Variants in SNX18 observed in about 807,000 individuals in gnomAD.
SNX18 encodes the protein sorting nexin 18.
Under a neutral mutation model 48.7 loss-of-function variants are expected in SNX18, and 35 were observed. The ratio of observed to expected loss-of-function variants is 0.72; its 90% CI spans 0.55 to 0.95. The LOEUF is 0.95. Among genes scored for constraint, SNX18 ranks in the 40% least tolerant of loss-of-function variants. The pLI, the probability that SNX18 is intolerant of heterozygous loss-of-function variation, is 0.00. For synonymous variants in SNX18, 492 were observed against 384.7 expected (o/e 1.28, Z -3.26); for missense variants, 824 against 871.0 (o/e 0.95, Z 0.68).
At chr5:54,569,632 T>C in the SNX18 span, among the ~76,000 whole-genome samples, 1 of 152,140 alleles carries the variant, frequency 6.6e-6, no homozygotes, top group Non-Finnish European at 1.5e-5. Flanking sequence ...AATTCTGAGC[T>C]CACTGGGTTT....
In SNX18 at chr5:54,546,099, C is replaced by G. The variant is rs1762573817; in HGVS notation, c.*2667C>G. On this transcript the variant is annotated 3_prime_UTR_variant, in exon 2 of 2. Transcript: ENST00000381410. ...TGCACCCAGGATGAGGGAACGCATT[C>G]AAAAGTGAAATGTAAAGCCAGTGCA... 6.6e-6 allele frequency: 1 copy of G among 152,138 alleles called. No individual in the cohort carries two copies. Among genetic ancestry groups the G allele is most frequent in the Admixed American group, 6.5e-5 (1 of 15,272 alleles). The allele number at this position is 152,138 out of a possible 1,614,324, so 9.4% of individuals were successfully genotyped here. A position where few individuals can be genotyped will look rare whatever the true frequency, so the allele number is the denominator to read the frequency against.
chr5:54,575,300 G>C, the SNX18 span, among the ~76,000 whole-genome samples: 1 of 151,160 alleles, frequency 6.6e-6, no homozygotes, highest in African/African-American at 2.4e-5. Flanking sequence ...CCCAAAATAT[G>C]CCAGTTCAGA....
the SNX18 span, among the ~76,000 whole-genome samples, chr5:54,559,476 A>C: frequency 1.4e-3 from 210 of 152,324 alleles, no homozygotes; most frequent in African/African-American, 5.0e-3. Flanking sequence ...AATGGGGAAA[A>C]GACTCCCTAT....
chr5:54,633,850 A>G, the SNX18 span, among the ~76,000 whole-genome samples: 1 of 152,164 alleles, frequency 6.6e-6, no homozygotes, highest in Non-Finnish European at 1.5e-5. Flanking sequence ...CTGAGGCCCT[A>G]CCTTGTGCAA....
At chr5:54,600,385 G>A in the SNX18 span, among the ~76,000 whole-genome samples, 1 of 152,206 alleles carries the variant, frequency 6.6e-6, no homozygotes, top group Non-Finnish European at 1.5e-5. Context: ...TGGTGGGAAT[G>A]TAAATTAGTT....
Position 54,518,542 on chromosome 5 carries a change from C to T in SNX18, c.590C>T (p.Thr197Met), listed in dbSNP as rs374567519. The change falls in exon 1 of 2, where the codon ACG becomes ATG. Residue 197 changes from threonine to methionine, a missense_variant. Physicochemically the swap from Thr to Met is moderately conservative, Grantham distance 81. Transcript: ENST00000381410. ...GCAGCCGGCCGCTACCGCCTGTCCA[C>T]GCGCTCCGACCTGTCCCTGGGTTCC... is the stretch of plus-strand genomic sequence containing the variant. ...VGAAGRYRLS[T>M]RSDLSLGSRG... The T allele has an allele frequency of 3.2e-6, 5 of 1,582,770 alleles. No homozygotes were observed. Among genetic ancestry groups the T allele is most frequent in the South Asian group, 1.1e-5 (1 of 87,028 alleles).
chr5:54,580,447 T>C, the SNX18 span, among the ~76,000 whole-genome samples: 4 of 152,346 alleles, frequency 2.6e-5, no homozygotes, highest in East Asian at 5.8e-4. Context: ...TTCACTTTTA[T>C]TATTTTAAGG....
chr5:54,533,335 T>C (rs1288374764), intron 1 of SNX18, among the ~76,000 whole-genome samples: 1 of 152,234 alleles, frequency 6.6e-6, no homozygotes, highest in Non-Finnish European at 1.5e-5. Flanking sequence ...CCAGGGTTTA[T>C]TAATGTGGTC....
At chr5:54,523,403 A>G (rs1224838938) in intron 1 of SNX18, among the ~76,000 whole-genome samples, 2 of 152,182 alleles carry the variant, frequency 1.3e-5, no homozygotes, top group African/African-American at 4.8e-5. Flanking sequence ...ACCTCTTGCG[A>G]CTATTGCTAA....
the SNX18 span, among the ~76,000 whole-genome samples, chr5:54,634,887 T>C: frequency 8.6e-5 from 13 of 152,042 alleles, no homozygotes; most frequent in Non-Finnish European, 1.8e-4. Context: ...TCAGCATACT[T>C]GTTTCAGTGC....
At chr5:54,555,791 C>T in the SNX18 span, among the ~76,000 whole-genome samples, 1 of 148,388 alleles carries the variant, frequency 6.7e-6, no homozygotes, top group East Asian at 2.0e-4. Context: ...TGTACCACTG[C>T]ACTCCAACCT....
chr5:54,537,990 C>G (rs1478062422), intron 1 of SNX18, among the ~76,000 whole-genome samples: 1 of 152,186 alleles, frequency 6.6e-6, no homozygotes, highest in Non-Finnish European at 1.5e-5. Context: ...CTAGAAGTAG[C>G]AAGTCTATGA....
chr5:54,638,788 C>T, the SNX18 span, among the ~76,000 whole-genome samples: 4 of 152,104 alleles, frequency 2.6e-5, no homozygotes, highest in African/African-American at 4.8e-5. Context: ...TTGAGCCACC[C>T]GCTTGCCTAA....
chr5:54,554,702 A>C, the SNX18 span, among the ~76,000 whole-genome samples: 2 of 152,348 alleles, frequency 1.3e-5, no homozygotes, highest in Admixed American at 6.5e-5. Flanking sequence ...GTTAATTTTA[A>C]GTGATTATAA....
chr5:54,620,911 G>T, the SNX18 span, among the ~76,000 whole-genome samples: 1 of 152,098 alleles, frequency 6.6e-6, no homozygotes, highest in Admixed American at 6.5e-5. Flanking sequence ...TATTGGATTA[G>T]GGCCCCACTC....
At chr5:54,608,384 A>G in the SNX18 span, among the ~76,000 whole-genome samples, 1 of 151,702 alleles carries the variant, frequency 6.6e-6, no homozygotes, top group Admixed American at 6.6e-5. Flanking sequence ...TTTTTATTTT[A>G]TTGTATTATT....
At chr5:54,586,991 T>C in the SNX18 span, among the ~76,000 whole-genome samples, 1 of 151,610 alleles carries the variant, frequency 6.6e-6, no homozygotes, top group African/African-American at 2.4e-5. Context: ...TATTTCCTTT[T>C]TTTTTTTTTT....
At chr5:54,586,690 G>A in the SNX18 span, among the ~76,000 whole-genome samples, 6 of 152,252 alleles carry the variant, frequency 3.9e-5, no homozygotes, top group South Asian at 1.2e-3. Context: ...ACTTCTTAAA[G>A]GTCCTACCTC....
At chr5:54,546,802 C>T (rs542903741), downstream of SNX18, among the ~76,000 whole-genome samples, 4 of 152,300 alleles carry the variant, frequency 2.6e-5, no homozygotes, top group South Asian at 8.3e-4. Flanking sequence ...TTAGTGACAT[C>T]AGGAATTAAG....
Sources: allele counts gnomAD v4.1 joint callset (sites outside exome capture counted in the v4.1 genomes callset), GRCh38; gene constraint gnomAD v4.1.1; transcripts MANE v1.5; gene names NCBI Gene and HGNC (gene_info 2026-07-23, HGNC 2026-07-21).